KLRG1: variants seen among roughly 807,000 people sequenced by gnomAD.
KLRG1 encodes the protein killer cell lectin like receptor G1, also known as killer cell lectin-like receptor subfamily G member 1.
Under a neutral mutation model 21.8 loss-of-function variants are expected in KLRG1, and 16 were observed. That is an observed-to-expected ratio of 0.73 (90% CI 0.50 to 1.11). The LOEUF (loss-of-function observed/expected upper bound fraction) is 1.11, where lower values mean the gene tolerates loss of function less well. Ranked by LOEUF, KLRG1 falls within the 50% of genes most tolerant of loss-of-function variation. The pLI is 0.00. For synonymous variants in KLRG1, 69 were observed against 75.9 expected (o/e 0.91, Z 0.47); for missense variants, 173 against 218.3 (o/e 0.79, Z 1.31).
At chr12:9,173,463 T>C in the KLRG1 span, among the ~76,000 whole-genome samples, 111 of 151,274 alleles carry the variant, frequency 7.3e-4, no homozygotes, top group African/African-American at 2.6e-3. Context: ...AGACAAGAAA[T>C]AGCAAAGATC....
At chr12:8,971,784 G>GA (rs954914157) in intron 1 of KLRG1, among the ~76,000 whole-genome samples, 3 of 152,110 alleles carry the variant, frequency 2.0e-5, no homozygotes, top group Non-Finnish European at 4.4e-5. Flanking sequence ...AGCCACCTGG[G>GA]AGGCTGAAGT....
At chr12:9,096,126 C>G in the KLRG1 span, among the ~76,000 whole-genome samples, 1 of 152,132 alleles carries the variant, frequency 6.6e-6, no homozygotes, top group South Asian at 2.1e-4. Flanking sequence ...TCTTTGAGCG[C>G]TCTCATTGCT....
chr12:9,194,966 T>C, the KLRG1 span, among the ~76,000 whole-genome samples: 1 of 152,168 alleles, frequency 6.6e-6, no homozygotes, highest in African/African-American at 2.4e-5. Context: ...AGGGGGATAA[T>C]AGTTGTGCCT....
intron 2 of KLRG1, 96 bp from the exon 3 acceptor site, chr12:8,995,023 G>A (rs1430334757): frequency 8.9e-7 from 1 of 1,123,666 alleles, no homozygotes; most frequent in Non-Finnish European, 1.3e-6. Flanking sequence ...GTGGAGCAGG[G>A]AAGACCCAGG....
the KLRG1 span, chr12:9,067,762 G>A: frequency 9.2e-6 from 14 of 1,523,616 alleles, no homozygotes; most frequent in African/African-American, 8.2e-5. Context: ...ACAAAAACAC[G>A]TGTCTTCTGT....
At chr12:9,054,257 G>T in the KLRG1 span, among the ~76,000 whole-genome samples, 1 of 151,898 alleles carries the variant, frequency 6.6e-6, no homozygotes, top group Non-Finnish European at 1.5e-5. Flanking sequence ...AAATGTTTTG[G>T]GTCTTCATTT....
the KLRG1 span, chr12:9,203,952 C>T: frequency 6.2e-7 from 1 of 1,605,114 alleles, no homozygotes; most frequent in Non-Finnish European, 8.5e-7. Flanking sequence ...CATATACTGC[C>T]TGGGAAAGGA....
chr12:9,164,011 A>G, the KLRG1 span: 4 of 1,367,618 alleles, frequency 2.9e-6, no homozygotes, highest in Non-Finnish European at 9.9e-7. Flanking sequence ...TAGAAATAGG[A>G]AAAAAAACTA....
At chr12:9,022,797 G>A in the KLRG1 span, among the ~76,000 whole-genome samples, 2 of 152,158 alleles carry the variant, frequency 1.3e-5, no homozygotes, top group African/African-American at 4.8e-5. Context: ...GGCCATCAAT[G>A]ATGGCCAATG....
chr12:9,004,258 A>T (rs1157505392), intron 3 of KLRG1, among the ~76,000 whole-genome samples: 1 of 152,168 alleles, frequency 6.6e-6, no homozygotes, highest in African/African-American at 2.4e-5. Context: ...TTCTAGTTCT[A>T]GATCCCTGAG....
chr12:8,976,997 C>A (rs990664177), intron 1 of KLRG1, among the ~76,000 whole-genome samples: 2 of 152,108 alleles, frequency 1.3e-5, no homozygotes, highest in African/African-American at 4.8e-5. Context: ...ATGATCTACC[C>A]GCCTGGGCCT....
chr12:8,980,603 A>G (rs566116330), intron 1 of KLRG1, among the ~76,000 whole-genome samples: 41 of 152,280 alleles, frequency 2.7e-4, no homozygotes, highest in Non-Finnish European at 4.7e-4. Context: ...ACATATGGGC[A>G]CTAGTTCTAA....
the KLRG1 span, among the ~76,000 whole-genome samples, chr12:9,193,226 G>A: frequency 0.28 from 42,094 of 151,920 alleles, 5,925 homozygotes; most frequent in East Asian, 0.4. Flanking sequence ...TGTGATTTCT[G>A]AAACTTTAAG....
At chr12:9,179,002 A>C in the KLRG1 span, among the ~76,000 whole-genome samples, 18 of 152,352 alleles carry the variant, frequency 1.2e-4, no homozygotes, top group Middle Eastern at 0.014. Context: ...AAAGGTAATA[A>C]TACCTCCCAA....
chr12:9,003,302 AATGGGGAATC>A (rs1947361223), intron 3 of KLRG1, among the ~76,000 whole-genome samples: 1 of 152,098 alleles, frequency 6.6e-6, no homozygotes, highest in African/African-American at 2.4e-5. Context: ...TCAGTGGAGA[AATGGGGAATC>A]ACTCTTTTTT....
At chr12:9,062,672 ATATATT>A in the KLRG1 span, among the ~76,000 whole-genome samples, 2 of 147,630 alleles carry the variant, frequency 1.4e-5, no homozygotes, top group African/African-American at 4.9e-5. Context: ...TGACATATTT[ATATATT>A]TATATCGGAT....
At chr12:9,154,375 T>C in the KLRG1 span, among the ~76,000 whole-genome samples, 1 of 152,238 alleles carries the variant, frequency 6.6e-6, no homozygotes, top group Non-Finnish European at 1.5e-5. Context: ...AGCGTGGCTT[T>C]AGAGGGTAAA....
the KLRG1 span, among the ~76,000 whole-genome samples, chr12:9,103,426 A>T: frequency 6.6e-6 from 1 of 152,172 alleles, no homozygotes; most frequent in East Asian, 1.9e-4. Flanking sequence ...AAACACACAC[A>T]CACACACAAC....
At chr12:8,974,057 G>A (rs1475281677) in intron 1 of KLRG1, among the ~76,000 whole-genome samples, 1 of 151,558 alleles carries the variant, frequency 6.6e-6, no homozygotes, top group Non-Finnish European at 1.5e-5. Flanking sequence ...TAATTGCTCT[G>A]GCTAGGATAT....
Sources: gnomAD v4.1 joint callset for allele counts (sites outside exome capture counted in the v4.1 genomes callset) on GRCh38, gnomAD v4.1.1 for gene constraint, MANE v1.5 for transcripts, NCBI Gene and HGNC (gene_info 2026-07-23, HGNC 2026-07-21) for gene names.